The following PHF8 variants were observed in gnomAD, a reference collection of about 807,000 sequenced individuals.
PHF8 encodes PHD finger protein 8, also known as histone lysine demethylase PHF8.
Under a neutral mutation model 74.4 loss-of-function variants are expected in PHF8, and 9 were observed. That is an observed-to-expected ratio of 0.12 (90% CI 0.07 to 0.21). PHF8 has a LOEUF of 0.21. Ranked by LOEUF, PHF8 falls within the 10% of genes least tolerant of loss-of-function variation. The pLI, the probability that PHF8 is intolerant of heterozygous loss-of-function variation, is 1.00. For missense variants in PHF8, 478 were observed against 816.6 expected, an observed-to-expected ratio of 0.59 and a Z score of 5.05; for synonymous variants, 311 against 316.6, an observed-to-expected ratio of 0.98 and a Z score of 0.19.
At chrX:54,030,256 G>A (rs1026478315) in intron 2 of PHF8, among the ~76,000 whole-genome samples, 1 of 111,576 alleles carries the variant, frequency 9.0e-6, no homozygotes, top group African/African-American at 3.3e-5. Flanking sequence ...CAACGTGCTA[G>A]ACAACTCCTC....
At chrX:53,997,579 C>T (rs1198292092) in intron 11 of PHF8, among the ~76,000 whole-genome samples, 1 of 110,755 alleles carries the variant, frequency 9.0e-6, no homozygotes, top group African/African-American at 3.3e-5. Context: ...CCCTACAAAT[C>T]ATCTGCACTT....
At position 54,033,662 on chromosome X, in the gene PHF8, C is replaced by T. The variant is rs1008488173; in HGVS notation, c.98+8969G>A. 1.7e-4 allele frequency among the ~76,000 whole-genome samples: 19 copies of T among 108,673 alleles called. No individual in the cohort carries two copies. The East Asian group carries it at 2.9e-3, about 16-fold the overall frequency. 94.4% of individuals were successfully genotyped at this position (108,673 alleles called of 115,157 possible). On this transcript the variant is annotated intron_variant, in intron 2 of 21. Coordinates refer to ENST00000338154, the MANE Select transcript of PHF8 (RefSeq NM_015107.3). ...CAGGGAGGCAGAGGTTGCAGTGAGC[C>T]GAGATCGCACCATTGCACTCCAGCC...
At chrX:53,985,698 T>G in intron 17 of PHF8, 118 bp downstream of exon 17, 1 of 1,140,427 alleles carries the variant, frequency 8.8e-7, no homozygotes, top group African/African-American at 1.8e-5. Flanking sequence ...CCTGGATAAT[T>G]CTTTGTCCCT....
intron 18 of PHF8, among the ~76,000 whole-genome samples, chrX:53,984,163 C>T (rs1016889040): frequency 8.9e-6 from 1 of 112,056 alleles, no homozygotes; most frequent in Non-Finnish European, 1.9e-5. Context: ...GCCAGGAATT[C>T]GAGATCACCC....
intron 4 of PHF8, among the ~76,000 whole-genome samples, chrX:54,021,833 T>C (rs1190897177): frequency 9.0e-6 from 1 of 111,407 alleles, no homozygotes; most frequent in Admixed American, 9.6e-5. Flanking sequence ...CAAAGGAGAA[T>C]GCTTTGTTCC....
At chrX:53,985,681 C>A in intron 17 of PHF8, 135 bp downstream of exon 17, 1 of 1,087,273 alleles carries the variant, frequency 9.2e-7, no homozygotes, top group Non-Finnish European at 1.3e-6. Flanking sequence ...TTCTTTCACC[C>A]AAATGCCCTG....
chrX:54,014,699 C>T, intron 6 of PHF8, 136 bp from the exon 7 acceptor site: 2 of 498,971 alleles, frequency 4.0e-6, no homozygotes, highest in Non-Finnish European at 7.1e-6. Flanking sequence ...CCCAAAGGCA[C>T]ATAGGACACT....
In PHF8 at chrX:53,963,448, C is replaced by T. The variant is rs58532262; in HGVS notation, c.2444-509G>A. Among the ~76,000 whole-genome samples, 842 of 111,661 alleles carry T rather than the reference C, an allele frequency of 7.5e-3. 3 individuals carry two copies. The highest frequency in any genetic ancestry group is 0.026 in the African/African-American group (794 of 30,760). ...GGGAGCCTACTAGCACACTGAAGCACAAGTTCTCAGTAACTGTTTACTAAG... is the reference window on the plus strand; with the variant it reads ...GGGAGCCTACTAGCACACTGAAGCATAAGTTCTCAGTAACTGTTTACTAAG... On this transcript the variant is annotated intron_variant, in intron 18 of 21. Coordinates refer to ENST00000338154, the MANE Select transcript of PHF8 (RefSeq NM_015107.3).
At chrX:53,988,005 G>A in intron 14 of PHF8, 61 bp from the exon 15 acceptor site, 2 of 893,218 alleles carry the variant, frequency 2.2e-6, no homozygotes, top group Non-Finnish European at 3.2e-6. Flanking sequence ...TAGCAAGATT[G>A]CAATTCTCTC....
chrX:53,985,576 C>A (rs1395433305), intron 17 of PHF8, among the ~76,000 whole-genome samples: 2 of 111,599 alleles, frequency 1.8e-5, no homozygotes, highest in Non-Finnish European at 3.8e-5. Flanking sequence ...CTCTTCCCAA[C>A]TTCCTAAGTG....
intron 19 of PHF8, among the ~76,000 whole-genome samples, chrX:53,947,427 T>C (rs782701148): frequency 1.8e-5 from 2 of 113,157 alleles, no homozygotes; most frequent in South Asian, 3.6e-4. Context: ...ATAAGCAGTA[T>C]GCAGATTCTA....
Position 54,033,447 on chromosome X carries a change from G to C in PHF8, c.98+9184C>G, listed in dbSNP as rs782773976. ...ATTGAAAGTGTCGCCGGGCACAGTG[G>C]CTCATGCCTGTAATCCCAGCACTTT... On this transcript the variant is annotated intron_variant, in intron 2 of 21. Transcript: ENST00000338154. Among the ~76,000 whole-genome samples, 6 of 112,236 alleles carry C rather than the reference G, an allele frequency of 5.3e-5. No homozygotes were observed. The South Asian group carries it at 2.2e-3, about 41-fold the overall frequency.
intron 2 of PHF8, among the ~76,000 whole-genome samples, chrX:54,038,318 T>C (rs782747428): frequency 3.6e-5 from 4 of 112,461 alleles, no homozygotes; most frequent in Non-Finnish European, 7.5e-5. Context: ...TTCATTCCAA[T>C]TTTTCTGTAC....
chrX:54,040,534 G>A (rs1177165057), intron 2 of PHF8, among the ~76,000 whole-genome samples: 1 of 111,847 alleles, frequency 8.9e-6, no homozygotes, highest in Non-Finnish European at 1.9e-5. Context: ...GGAACCAAGA[G>A]GAAGAAGGAC....
Position 53,938,078 on chromosome X carries a change from A to G in PHF8, c.*1080T>C. 8.6e-7 allele frequency: 1 copy of G among 1,161,756 alleles called. No individual in the cohort carries two copies. Among genetic ancestry groups the G allele is most frequent in the Non-Finnish European group, 1.2e-6 (1 of 869,491 alleles). On this transcript the variant is annotated 3_prime_UTR_variant, in exon 22 of 22. Coordinates refer to ENST00000338154, the MANE Select transcript of PHF8 (RefSeq NM_015107.3). Reference sequence around the variant, plus strand: ...CTGTCGTCTGGAAGTGCAAAGGCCCAGGAGTGAAGATGTGAGTCCTGAGGT... The same window carrying G: ...CTGTCGTCTGGAAGTGCAAAGGCCCGGGAGTGAAGATGTGAGTCCTGAGGT...
intron 18 of PHF8, among the ~76,000 whole-genome samples, chrX:53,967,630 G>A (rs2065230216): frequency 8.7e-6 from 1 of 114,661 alleles, no homozygotes; most frequent in Admixed American, 9.1e-5. Context: ...ACAGCTCATT[G>A]AGAACGGGCC....
intron 19 of PHF8, among the ~76,000 whole-genome samples, chrX:53,960,733 C>A (rs1022006467): frequency 4.6e-5 from 5 of 108,503 alleles, no homozygotes; most frequent in African/African-American, 1.7e-4. Context: ...TGGGACAGAG[C>A]TAGACTCCAT....
rs374668419 is a variant in PHF8, at chrX:53,992,741, G to A, written c.1725C>T (p.Asn575=). The A allele has an allele frequency of 9.5e-6, 11 of 1,156,829 alleles. No individual in the cohort carries two copies. Among genetic ancestry groups the A allele is most frequent in the African/African-American group, 5.4e-5 (3 of 55,811 alleles). The change falls in exon 14 of 22, where the codon AAC becomes AAT. Residue 575 remains asparagine (N), a synonymous_variant. Transcript: ENST00000338154. ...NESPLALLMS[N]GSTKRVKSLS... ...GCTCCTCCTTCCCACCTCACCTGCC[G>A]TTAGACATCAATAGGGCCAATGGGC...
At position 54,022,343 on chromosome X, in the gene PHF8, T is replaced by C. The variant is rs2146456350; in HGVS notation, c.209A>G (p.Lys70Arg). The change falls in exon 4 of 22, where the codon AAG becomes AGG. Residue 70 changes from lysine to arginine, a missense_variant. By Grantham distance (26) the Lys-to-Arg change is conservative. Coordinates refer to ENST00000338154, the MANE Select transcript of PHF8 (RefSeq NM_015107.3). ...TTTCCCCTTGTGTGTATCATGCCCC[T>C]TTGAAGATCCACGGCGTTTTTTCAC... ...SIMKKRRGSS[K>R]GHDTHKGKPV... 10 of 1,202,041 alleles carry C rather than the reference T, an allele frequency of 8.3e-6. No homozygotes were observed. The highest frequency in any genetic ancestry group is 1.1e-5 in the Non-Finnish European group (10 of 886,636).
Sources: gnomAD v4.1 joint callset for allele counts (sites outside exome capture counted in the v4.1 genomes callset) on GRCh38, gnomAD v4.1.1 for gene constraint, MANE v1.5 for transcripts, NCBI Gene and HGNC (gene_info 2026-07-23, HGNC 2026-07-21) for gene names.